PTPRR: variants seen among roughly 807,000 people sequenced by gnomAD.
The protein encoded by PTPRR is protein tyrosine phosphatase receptor type R, also known as receptor-type tyrosine-protein phosphatase R.
Under a neutral mutation model 77.2 loss-of-function variants are expected in PTPRR, and 38 were observed. That is an observed-to-expected ratio of 0.49 (90% CI 0.38 to 0.65). The LOEUF is 0.65. Among genes scored for constraint, PTPRR ranks in the 30% least tolerant of loss-of-function variants. The pLI, the probability that PTPRR is intolerant of heterozygous loss-of-function variation, is 0.00. For synonymous variants in PTPRR, 299 were observed against 283.1 expected, an observed-to-expected ratio of 1.06 and a Z score of -0.57; for missense variants, 744 against 799.2, an observed-to-expected ratio of 0.93 and a Z score of 0.83.
intron 2 of PTPRR, among the ~76,000 whole-genome samples, chr12:70,873,275 A>G (rs1592806867): frequency 6.6e-6 from 1 of 152,308 alleles, no homozygotes; most frequent in East Asian, 1.9e-4. Flanking sequence ...TGTGGAACTG[A>G]GCCTTGAGAC....
chr12:70,856,826 G>A (rs527650497), intron 2 of PTPRR, among the ~76,000 whole-genome samples: 1 of 150,854 alleles, frequency 6.6e-6, no homozygotes, highest in Admixed American at 6.6e-5. Context: ...GAGAGGTGAG[G>A]AGTGGAGTGG....
At chr12:70,821,212 G>GTTTTTTTTTTTTT (rs1252907478) in intron 2 of PTPRR, among the ~76,000 whole-genome samples, 2 of 44,550 alleles carry the variant, frequency 4.5e-5, no homozygotes, top group Non-Finnish European at 1.0e-4. Flanking sequence ...AGGGATCACT[G>GTTTTTTTTTTTTT]CTTTTTTTTT....
At position 70,838,835 on chromosome 12, in the gene PTPRR, C is replaced by T. The variant is rs192735339; in HGVS notation, c.357+53844G>A. ...AAGGCCTAGGACCAATCTGGTTTGACTAACGGGGATTGTTCTAGCTCTGTG... is the reference window on the plus strand; with the variant it reads ...AAGGCCTAGGACCAATCTGGTTTGATTAACGGGGATTGTTCTAGCTCTGTG... On this transcript the variant is annotated intron_variant, in intron 2 of 13. Transcript: ENST00000283228. Among the ~76,000 whole-genome samples, 155 of 152,224 alleles carry T rather than the reference C, an allele frequency of 1.0e-3. 1 individual carries two copies. The highest frequency in any genetic ancestry group is 3.2e-3 in the African/African-American group (133 of 41,552).
intron 2 of PTPRR, among the ~76,000 whole-genome samples, chr12:70,826,978 T>C (rs919854160): frequency 6.6e-6 from 1 of 152,182 alleles, no homozygotes; most frequent in African/African-American, 2.4e-5. Flanking sequence ...TCCTAGAATG[T>C]TCTTCCACTT....
At chr12:70,644,793 C>T (rs1384048084) in intron 13 of PTPRR, among the ~76,000 whole-genome samples, 1 of 152,096 alleles carries the variant, frequency 6.6e-6, no homozygotes, top group Admixed American at 6.6e-5. Context: ...ATTAGTTTGC[C>T]CATTAAGTTC....
rs373335163 is a variant in PTPRR at position 70,822,562 on chromosome 12, G to A, written c.358-57784C>T. Among the ~76,000 whole-genome samples, 3 of 152,248 alleles carry A rather than the reference G, an allele frequency of 2.0e-5. No homozygotes were observed. In the East Asian group the frequency reaches 5.8e-4, roughly 29 times the overall value. ...ACACATGGTGGGGAAGCAGCAAGAG[G>A]TGCCAGGATTCTGCATGAAATTAGA... On this transcript the variant is annotated intron_variant, in intron 2 of 13. Transcript: ENST00000283228.
At chr12:70,798,799 T>C (rs1207421980) in intron 2 of PTPRR, among the ~76,000 whole-genome samples, 1 of 142,340 alleles carries the variant, frequency 7.0e-6, no homozygotes, top group Non-Finnish European at 1.5e-5. Context: ...GTATCTTACA[T>C]AGACCTTATT....
intron 2 of PTPRR, among the ~76,000 whole-genome samples, chr12:70,822,932 C>T (rs767809584): frequency 6.6e-5 from 10 of 151,870 alleles, no homozygotes; most frequent in Non-Finnish European, 1.3e-4. Flanking sequence ...GTGTGCATTT[C>T]TCATCCTTGG....
At position 70,674,612 on chromosome 12, in the gene PTPRR, G is replaced by C. The variant is rs1219852795; in HGVS notation, c.1497+9515C>G. On this transcript the variant is annotated intron_variant, in intron 10 of 13. Transcript: ENST00000283228. ...ACTGTAATCGAAGCATATATGTACA[G>C]TTATTCCTGGAAATTTGCCAAGACT... 2.0e-5 allele frequency among the ~76,000 whole-genome samples: 3 copies of C among 152,050 alleles called. No homozygotes were observed. The East Asian group carries it at 5.8e-4, about 29-fold the overall frequency.
chr12:70,660,797 A>C, intron 12 of PTPRR, 143 bp downstream of exon 12: 1 of 846,432 alleles, frequency 1.2e-6, no homozygotes, highest in East Asian at 2.8e-5. Flanking sequence ...TTCAGACTCA[A>C]ATATTACAGA....
intron 4 of PTPRR, among the ~76,000 whole-genome samples, chr12:70,755,376 A>C (rs2136951614): frequency 6.6e-6 from 1 of 152,194 alleles, no homozygotes; most frequent in Admixed American, 6.6e-5. Context: ...ATCATTGCTA[A>C]TTTATTTTTA....
intron 10 of PTPRR, among the ~76,000 whole-genome samples, chr12:70,669,935 GT>G (rs1419349206): frequency 6.6e-6 from 1 of 152,032 alleles, no homozygotes. Flanking sequence ...AGACCCATAG[GT>G]ATCATATGAG....
chr12:70,917,696 G>A (rs1893795766), intron 1 of PTPRR, among the ~76,000 whole-genome samples: 1 of 152,018 alleles, frequency 6.6e-6, no homozygotes, highest in Admixed American at 6.6e-5. Context: ...CCCCCCGATG[G>A]TGTCTTAGGC....
chr12:70,791,483 T>G (rs1891421027), intron 2 of PTPRR, among the ~76,000 whole-genome samples: 1 of 152,176 alleles, frequency 6.6e-6, no homozygotes, highest in South Asian at 2.1e-4. Context: ...CTGCTTACCT[T>G]GCTTTATTAT....
chr12:70,757,718 C>T (rs886222415), intron 4 of PTPRR, among the ~76,000 whole-genome samples: 3 of 152,068 alleles, frequency 2.0e-5, no homozygotes, highest in Non-Finnish European at 4.4e-5. Context: ...ACATCATTCA[C>T]GATGTTCTAT....
intron 6 of PTPRR, among the ~76,000 whole-genome samples, chr12:70,716,674 A>G (rs1889044266): frequency 6.6e-6 from 1 of 152,160 alleles, no homozygotes; most frequent in Admixed American, 6.5e-5. Context: ...AGTACTATTC[A>G]TCAAAGATTA....
At chr12:70,790,173 A>C (rs2137008864) in intron 2 of PTPRR, among the ~76,000 whole-genome samples, 1 of 152,280 alleles carries the variant, frequency 6.6e-6, no homozygotes, top group African/African-American at 2.4e-5. Flanking sequence ...TTATTCAGCT[A>C]CCATTCCTTT....
rs1275381482 is a variant in PTPRR, at chr12:70,741,522, G to A, written c.1007+4296C>T. Among the ~76,000 whole-genome samples the A allele has an allele frequency of 1.3e-5, 2 of 152,104 alleles. 1 individual carries two copies. The highest frequency in any genetic ancestry group is 2.9e-5 in the Non-Finnish European group (2 of 68,022). On this transcript the variant is annotated intron_variant, in intron 6 of 13. Transcript: ENST00000283228. The stretch of plus-strand genomic sequence containing the variant: ...ACCTTTGGACCTTTGCTGTATTCGG[G>A]CTGCCAGGGTTTTTTGGTGTTTTAT...
intron 2 of PTPRR, among the ~76,000 whole-genome samples, chr12:70,842,835 A>G (rs1356723269): frequency 6.6e-6 from 1 of 152,144 alleles, no homozygotes; most frequent in African/African-American, 2.4e-5. Context: ...TTGGGGCACC[A>G]TTTTTTGGCC....
Sources: gnomAD v4.1 joint callset for allele counts (sites outside exome capture counted in the v4.1 genomes callset) on GRCh38, gnomAD v4.1.1 for gene constraint, MANE v1.5 for transcripts, NCBI Gene and HGNC (gene_info 2026-07-23, HGNC 2026-07-21) for gene names.